DNAH9: variants seen among roughly 807,000 people sequenced by gnomAD.
DNAH9 encodes DNAH9 variant protein.
In DNAH9, 345 loss-of-function variants were observed where a neutral mutation model predicts 471.6. The ratio of observed to expected loss-of-function variants is 0.73; its 90% CI spans 0.67 to 0.80. The LOEUF (loss-of-function observed/expected upper bound fraction) is 0.80. DNAH9 is among the 30% of genes least tolerant of loss of function. DNAH9 has a pLI of 0.00. For missense variants in DNAH9, 5,407 were observed against 5,609.2 expected (o/e 0.96, Z 1.15); for synonymous variants, 2,093 against 2,123.6 (o/e 0.99, Z 0.40).
intron 44 of DNAH9, among the ~76,000 whole-genome samples, chr17:11,809,138 C>T (rs1261459507): frequency 6.6e-6 from 1 of 152,134 alleles, no homozygotes; most frequent in African/African-American, 2.4e-5. Flanking sequence ...ACTTGGCATC[C>T]TAGCCCAAAA....
At chr17:11,860,735 A>G (rs914760865) in intron 50 of DNAH9, among the ~76,000 whole-genome samples, 4 of 151,664 alleles carry the variant, frequency 2.6e-5, no homozygotes, top group African/African-American at 9.7e-5. Context: ...CTAATTTTGT[A>G]TTTTCAGTAG....
rs770182831 is a variant in DNAH9 at position 11,962,012 on chromosome 17, A to T, written c.12989A>T (p.Glu4330Val). The stretch of plus-strand genomic sequence containing the variant: ...CCAGACCTCCTCAACAGAATCAAGG[A>T]GCTAGAGGCTTGGACGGGTGACTTT... The part of the protein sequence containing the change: ...WFPDLLNRIK[E>V]LEAWTGDFTM... Residue 4330 changes from glutamate (E) to valine (V), a missense_variant, in exon 68 of 69, where the codon GAG (glutamate) becomes GTG (valine). Coordinates refer to ENST00000262442, the MANE Select transcript of DNAH9 (RefSeq NM_001372.4). The surrounding 1 kb of genome is among the most constrained non-coding windows in gnomAD (Gnocchi z 4.1). 1 of 1,614,138 alleles carries T rather than the reference A, an allele frequency of 6.2e-7. No individual in the cohort carries two copies. The highest frequency in any genetic ancestry group is 8.5e-7 in the Non-Finnish European group (1 of 1,180,024).
At chr17:11,792,880 C>T (rs1969111829) in intron 41 of DNAH9, among the ~76,000 whole-genome samples, 1 of 152,174 alleles carries the variant, frequency 6.6e-6, no homozygotes, top group African/African-American at 2.4e-5. Context: ...CGTGTTTTCT[C>T]TCTGAATTCC....
At chr17:11,969,189 G>C (rs917278322) in intron 68 of DNAH9, 111 bp from the exon 69 acceptor site, 1 of 899,606 alleles carries the variant, frequency 1.1e-6, no homozygotes, top group Non-Finnish European at 1.7e-6. Flanking sequence ...AGGCATAAAG[G>C]CAGCCATGTC....
intron 1 of DNAH9, among the ~76,000 whole-genome samples, chr17:11,600,029 T>C (rs1322522917): frequency 1.3e-5 from 2 of 152,006 alleles, no homozygotes; most frequent in Non-Finnish European, 2.9e-5. Flanking sequence ...CTTTAGATGG[T>C]GTATCAGGAG....
intron 20 of DNAH9, among the ~76,000 whole-genome samples, chr17:11,692,489 A>G (rs1479712924): frequency 1.3e-5 from 2 of 152,132 alleles, no homozygotes; most frequent in African/African-American, 4.8e-5. Flanking sequence ...ACATCAAAGG[A>G]GTATATTTGC....
chr17:11,727,074 A>ACAAAAC (rs2075167009), intron 27 of DNAH9, among the ~76,000 whole-genome samples: 1 of 139,870 alleles, frequency 7.1e-6, no homozygotes, highest in African/African-American at 2.9e-5. Flanking sequence ...AAAAAAAAAA[A>ACAAAAC]AAACCCGCTG....
In DNAH9 at chr17:11,704,199, A is replaced by G. The variant is rs1234395175; in HGVS notation, c.5152-4A>G. On this transcript the variant is annotated splice_region_variant and splice_polypyrimidine_tract_variant and intron_variant, in intron 24 of 68. Transcript: ENST00000262442. ...GCTTTACTAGGCAACTCTTGCTGCC[A>G]CAGGTGGCCCTGACCTGTACTCAGA... 6.2e-7 allele frequency: 1 copy of G among 1,614,092 alleles called. No individual in the cohort carries two copies. The highest frequency in any genetic ancestry group is 1.1e-5 in the South Asian group (1 of 91,076).
intron 1 of DNAH9, 138 bp downstream of exon 1, chr17:11,599,053 G>T: frequency 1.4e-6 from 1 of 719,294 alleles, no homozygotes. Context: ...ATAGGCAGAG[G>T]GGCGAGGCTG....
At chr17:11,821,103 T>C (rs1275427060) in intron 45 of DNAH9, among the ~76,000 whole-genome samples, 2 of 151,880 alleles carry the variant, frequency 1.3e-5, no homozygotes, top group African/African-American at 4.8e-5. Flanking sequence ...ACTAACATGG[T>C]GAAATTCTAT....
intron 48 of DNAH9, among the ~76,000 whole-genome samples, chr17:11,825,713 A>G (rs886826996): frequency 6.6e-6 from 1 of 152,256 alleles, no homozygotes; most frequent in Non-Finnish European, 1.5e-5. Flanking sequence ...AGCAAGACCA[A>G]AGTGATAGTA....
At chr17:11,895,901 C>A (rs1055209748) in intron 59 of DNAH9, among the ~76,000 whole-genome samples, 1 of 152,188 alleles carries the variant, frequency 6.6e-6, no homozygotes. Context: ...ACTTGCCGTC[C>A]CCTTCAAAGG....
At chr17:11,929,809 T>A (rs1974445291) in intron 62 of DNAH9, 57 bp from the exon 63 acceptor site, 7 of 1,457,966 alleles carry the variant, frequency 4.8e-6, no homozygotes, top group African/African-American at 1.4e-5. Flanking sequence ...AACTATTTAC[T>A]GCTAACAGAG....
chr17:11,782,008 A>G (rs1968691951), intron 39 of DNAH9, among the ~76,000 whole-genome samples: 1 of 151,514 alleles, frequency 6.6e-6, no homozygotes, highest in African/African-American at 2.4e-5. Flanking sequence ...AAAAAAAGCA[A>G]GTCACTGATT....
intron 26 of DNAH9, among the ~76,000 whole-genome samples, chr17:11,710,384 G>C (rs1176595359): frequency 6.6e-6 from 1 of 152,098 alleles, no homozygotes; most frequent in Non-Finnish European, 1.5e-5. Flanking sequence ...CCTTAGGATA[G>C]ATTCCAAGAA....
rs753700564 is a variant in DNAH9 at position 11,669,121 on chromosome 17, A to C, written c.2789A>C (p.Glu930Ala). 1.2e-6 allele frequency: 2 copies of C among 1,613,840 alleles called. No homozygotes were observed. The highest frequency in any genetic ancestry group is 1.7e-6 in the Non-Finnish European group (2 of 1,179,824). The change falls in exon 16 of 69, where the codon GAG becomes GCG. Residue 930 changes from glutamate (E) to alanine (A), a missense_variant. By Grantham distance (107) the Glu-to-Ala change is moderately radical. Around this residue, in one of 3 missense-constraint regions of DNAH9, gnomAD observed 4,636 missense variants for 4,900.3 expected, o/e 0.95. Transcript: ENST00000262442. ...GCACAACTGAGTCTAGCCATCCCAG[A>C]GCTAGTTTTCTATCCGTCTCTGGAG... The part of the protein sequence containing the change: ...FEAQLSLAIP[E>A]LVFYPSLESG...
chr17:11,730,945 A>ATGATGATGGTGGTGGTGATGACGG (rs1567756233), intron 28 of DNAH9, among the ~76,000 whole-genome samples: 3 of 5,724 alleles, frequency 5.2e-4, no homozygotes, highest in Non-Finnish European at 7.4e-3. Context: ...GATGACGGTG[A>ATGATGATGGTGGTGGTGATGACGG]TGATGATGAT....
rs151283894 is a variant in DNAH9, at chr17:11,793,224, G to A, written c.8062-279G>A. Reference sequence around the variant, plus strand: ...AAGGCTCAGAGATGTCACATGCCTCGCCCAAAGTCACACAGTTGCTTAGTG... The same window carrying A: ...AAGGCTCAGAGATGTCACATGCCTCACCCAAAGTCACACAGTTGCTTAGTG... On this transcript the variant is annotated intron_variant, in intron 41 of 68. Coordinates refer to ENST00000262442, the MANE Select transcript of DNAH9 (RefSeq NM_001372.4). Among the ~76,000 whole-genome samples the A allele has an allele frequency of 5.2e-3, 794 of 152,250 alleles. 3 individuals carry two copies. The highest frequency in any genetic ancestry group is 9.6e-3 in the Non-Finnish European group (654 of 68,028).
chr17:11,945,924 G>T (rs1287089059), intron 67 of DNAH9, among the ~76,000 whole-genome samples: 1 of 151,870 alleles, frequency 6.6e-6, no homozygotes, highest in African/African-American at 2.4e-5. Flanking sequence ...TTAGCCGGGC[G>T]TAGTGGTGGG....
Sources: gnomAD v4.1 joint callset for allele counts (sites outside exome capture counted in the v4.1 genomes callset) on GRCh38, gnomAD v4.1.1 for gene constraint, gnomAD v4.1.1 regional missense constraint, Gnocchi (gnomAD v3.1) non-coding constraint, MANE v1.5 for transcripts, NCBI Gene and HGNC (gene_info 2026-07-23, HGNC 2026-07-21) for gene names.